GRM8: variants seen among roughly 807,000 people sequenced by gnomAD.
GRM8 encodes glutamate metabotropic receptor 8, also known as metabotropic glutamate receptor 8.
Under a neutral mutation model 87.2 loss-of-function variants are expected in GRM8, and 47 were observed. That is an observed-to-expected ratio of 0.54 (90% CI 0.43 to 0.69). The LOEUF (loss-of-function observed/expected upper bound fraction) is 0.69, where lower values mean the gene tolerates loss of function less well. Among genes scored for constraint, GRM8 ranks in the 30% least tolerant of loss-of-function variants. The pLI, the probability that GRM8 is intolerant of heterozygous loss-of-function variation, is 0.00. For missense variants in GRM8, 1,019 were observed against 1,139.2 expected, an observed-to-expected ratio of 0.89 and a Z score of 1.52; for synonymous variants, 396 against 404.5, an observed-to-expected ratio of 0.98 and a Z score of 0.25.
intron 6 of GRM8, among the ~76,000 whole-genome samples, chr7:126,801,781 C>T (rs920964672): frequency 3.9e-5 from 6 of 152,102 alleles, no homozygotes; most frequent in African/African-American, 1.4e-4. Context: ...CCTTTCAGAG[C>T]GACTAGTTGC....
chr7:127,225,719 T>C (rs984158450), intron 2 of GRM8, among the ~76,000 whole-genome samples: 9 of 149,420 alleles, frequency 6.0e-5, no homozygotes, highest in Non-Finnish European at 1.0e-4. Context: ...TATTTTATAA[T>C]AGGCATTTTC....
chr7:126,643,381 T>TAA (rs11442911), intron 7 of GRM8, among the ~76,000 whole-genome samples: 3,445 of 109,866 alleles, frequency 0.031, 189 homozygotes, highest in African/African-American at 0.11. Flanking sequence ...TCACTGTAGG[T>TAA]AAAAAAAAAA....
intron 7 of GRM8, among the ~76,000 whole-genome samples, chr7:126,643,280 GA>G (rs1802608732): frequency 1.1e-5 from 1 of 91,748 alleles, no homozygotes; most frequent in Non-Finnish European, 1.9e-5. Context: ...GACAGAGTGA[GA>G]ACTTGTCTCA....
intron 9 of GRM8, among the ~76,000 whole-genome samples, chr7:126,513,630 CA>C (rs1811743721): frequency 6.6e-6 from 1 of 152,142 alleles, no homozygotes; most frequent in Admixed American, 6.6e-5. Flanking sequence ...CATGTTGACA[CA>C]GCATACATTT....
intron 10 of GRM8, among the ~76,000 whole-genome samples, chr7:126,443,307 G>A (rs1217306373): frequency 2.0e-5 from 3 of 151,972 alleles, no homozygotes; most frequent in Non-Finnish European, 4.4e-5. Flanking sequence ...GTAAACTATA[G>A]TCTGCAAATT....
At chr7:127,037,706 AG>A (rs1397793074) in intron 3 of GRM8, among the ~76,000 whole-genome samples, 1 of 152,198 alleles carries the variant, frequency 6.6e-6, no homozygotes, top group Non-Finnish European at 1.5e-5. Flanking sequence ...AAGAGGTTAA[AG>A]GAGAAGCCTG....
chr7:126,791,231 T>A (rs200608056), intron 6 of GRM8, among the ~76,000 whole-genome samples: 14 of 152,320 alleles, frequency 9.2e-5, no homozygotes, highest in East Asian at 1.9e-4. Context: ...TACATTTTTT[T>A]AAAAAACACT....
chr7:126,465,787 T>C (rs1293970991), intron 9 of GRM8, among the ~76,000 whole-genome samples: 1 of 151,850 alleles, frequency 6.6e-6, no homozygotes, highest in Non-Finnish European at 1.5e-5. Context: ...AAACTTTATG[T>C]CTTTTTTCTT....
intron 6 of GRM8, among the ~76,000 whole-genome samples, chr7:126,786,079 T>C (rs1820595817): frequency 6.6e-6 from 1 of 152,130 alleles, no homozygotes; most frequent in African/African-American, 2.4e-5. Context: ...CTGTTATCTA[T>C]GGCAAATAAC....
chr7:127,158,815 A>G (rs2116194076), intron 2 of GRM8, among the ~76,000 whole-genome samples: 1 of 152,224 alleles, frequency 6.6e-6, no homozygotes, highest in East Asian at 1.9e-4. Flanking sequence ...AAAAAAAAAA[A>G]AGGCTGAATA....
chr7:126,987,356 ACT>A (rs1298262363), intron 3 of GRM8, among the ~76,000 whole-genome samples: 1 of 151,026 alleles, frequency 6.6e-6, no homozygotes, highest in Non-Finnish European at 1.5e-5. Context: ...CATCCACCAA[ACT>A]CTGTTTTCTC....
intron 7 of GRM8, among the ~76,000 whole-genome samples, chr7:126,695,287 T>C (rs1181053864): frequency 6.6e-6 from 1 of 152,184 alleles, no homozygotes; most frequent in South Asian, 2.1e-4. Flanking sequence ...CTTCTATCAT[T>C]TGGAAATACC....
At chr7:126,927,733 A>G (rs1304865271) in intron 3 of GRM8, among the ~76,000 whole-genome samples, 1 of 152,164 alleles carries the variant, frequency 6.6e-6, no homozygotes, top group East Asian at 1.9e-4. Flanking sequence ...GCTGGAGAGG[A>G]TGTGGAGAAA....
At chr7:126,811,343 G>A (rs959806979) in intron 6 of GRM8, among the ~76,000 whole-genome samples, 2 of 151,242 alleles carry the variant, frequency 1.3e-5, no homozygotes, top group African/African-American at 2.4e-5. Context: ...TTGGGTATTC[G>A]GGATTTTTTT....
At chr7:126,562,543 G>A (rs1486454216) in intron 8 of GRM8, among the ~76,000 whole-genome samples, 1 of 152,180 alleles carries the variant, frequency 6.6e-6, no homozygotes, top group Non-Finnish European at 1.5e-5. Flanking sequence ...TTTCAATGTG[G>A]AATATAATCT....
intron 3 of GRM8, among the ~76,000 whole-genome samples, chr7:127,006,186 A>G (rs752873825): frequency 1.3e-5 from 2 of 151,894 alleles, no homozygotes; most frequent in African/African-American, 2.4e-5. Context: ...TCCTCCTAAT[A>G]TGAGGGATGA....
At chr7:126,710,379 T>C (rs1810980022) in intron 7 of GRM8, among the ~76,000 whole-genome samples, 1 of 152,226 alleles carries the variant, frequency 6.6e-6, no homozygotes, top group Non-Finnish European at 1.5e-5. Context: ...TTGCCCAGAA[T>C]AGAACTTCTT....
intron 6 of GRM8, among the ~76,000 whole-genome samples, chr7:126,808,222 G>A (rs1203319786): frequency 6.6e-6 from 1 of 152,144 alleles, no homozygotes; most frequent in Admixed American, 6.5e-5. Context: ...AAGGGCTTCA[G>A]AACCCAAACA....
intron 8 of GRM8, among the ~76,000 whole-genome samples, chr7:126,534,182 T>TA (rs1171466631): frequency 1.3e-5 from 2 of 151,602 alleles, no homozygotes; most frequent in East Asian, 1.9e-4. Context: ...GTTTTAAAAC[T>TA]AAAAAAAATA....
Sources: allele counts gnomAD v4.1 joint callset (sites outside exome capture counted in the v4.1 genomes callset), GRCh38; gene constraint gnomAD v4.1.1; transcripts MANE v1.5; gene names NCBI Gene and HGNC (gene_info 2026-07-23, HGNC 2026-07-21).